Variants in ARHGAP8 observed in about 807,000 individuals in gnomAD.
ARHGAP8 encodes the protein Rho GTPase activating protein 8.
A neutral mutation model predicts 46.1 loss-of-function variants in ARHGAP8; 62 were observed. The ratio of observed to expected loss-of-function variants is 1.34; its 90% confidence interval spans 1.10 to 1.66. The LOEUF is 1.66. ARHGAP8 is among the 40% of genes most tolerant of loss of function. ARHGAP8 has a pLI of 0.00. For synonymous variants in ARHGAP8, 375 were observed against 243.1 expected, an observed-to-expected ratio of 1.54 and a Z score of -5.05; for missense variants, 923 against 568.4, an observed-to-expected ratio of 1.62 and a Z score of -6.34.
chr22:44,825,973 C>T (rs942837851), intron 7 of ARHGAP8, among the ~76,000 whole-genome samples: 8 of 150,070 alleles, frequency 5.3e-5, no homozygotes, highest in Non-Finnish European at 1.0e-4. Context: ...ATTGGGGGGA[C>T]CGGCAGTGGG....
chr22:44,809,654 G>T, intron 4 of ARHGAP8: 1 of 159,954 alleles, frequency 6.3e-6, no homozygotes, highest in South Asian at 1.8e-4. Flanking sequence ...GCTTGGCCAT[G>T]GCCTGGAGCC....
chr22:44,755,624 G>A (rs1401907327), intron 1 of ARHGAP8, among the ~76,000 whole-genome samples: 2 of 152,176 alleles, frequency 1.3e-5, no homozygotes, highest in Admixed American at 6.5e-5. Context: ...CGTCTCCCTG[G>A]AGCTTCTGGC....
intron 2 of ARHGAP8, among the ~76,000 whole-genome samples, chr22:44,792,808 G>GTGGTGT (rs11282638): frequency 5.3e-5 from 8 of 150,462 alleles, no homozygotes; most frequent in South Asian, 2.1e-4. Flanking sequence ...GGTGGTGGTG[G>GTGGTGT]TGGTTTTTTT....
intron 2 of ARHGAP8, among the ~76,000 whole-genome samples, chr22:44,795,048 AAAAAAAC>A (rs962580375): frequency 3.3e-5 from 5 of 151,882 alleles, no homozygotes; most frequent in South Asian, 2.1e-4. Flanking sequence ...CTCAAAAAAA[AAAAAAAC>A]AAAAAACGAA....
At chr22:44,810,138 T>G (rs905198754) in intron 4 of ARHGAP8, among the ~76,000 whole-genome samples, 1 of 152,070 alleles carries the variant, frequency 6.6e-6, no homozygotes, top group Non-Finnish European at 1.5e-5. Context: ...TAGCTAGCAC[T>G]TAGGGGTTTG....
At chr22:44,786,043 T>A (rs1927194278) in intron 1 of ARHGAP8, 1 of 216,182 alleles carries the variant, frequency 4.6e-6, no homozygotes, top group Non-Finnish European at 9.3e-6. Flanking sequence ...GACCCTTAGG[T>A]CTTATTTTTC....
At chr22:44,831,161 A>G (rs1930918788) in intron 7 of ARHGAP8, among the ~76,000 whole-genome samples, 1 of 152,194 alleles carries the variant, frequency 6.6e-6, no homozygotes, top group African/African-American at 2.4e-5. Context: ...TAAAAGTTAC[A>G]TTTTGATGAA....
intron 1 of ARHGAP8, among the ~76,000 whole-genome samples, chr22:44,768,891 A>G (rs1385910089): frequency 1.3e-5 from 2 of 149,900 alleles, no homozygotes; most frequent in South Asian, 2.1e-4. Context: ...CTGGAGTGCA[A>G]TGGCGCGATC....
chr22:44,848,884 T>C, intron 9 of ARHGAP8, 48 bp from the exon 10 acceptor site: 1 of 1,608,744 alleles, frequency 6.2e-7, no homozygotes, highest in Non-Finnish European at 8.5e-7. Flanking sequence ...GCAGCGGCAG[T>C]GCCCAGGCCG....
intron 9 of ARHGAP8, 25 bp downstream of exon 9, chr22:44,848,075 C>T (rs775930687): frequency 5.6e-6 from 9 of 1,602,810 alleles, no homozygotes; most frequent in South Asian, 5.5e-5. Context: ...CAGTCCTGAG[C>T]CCCGAGCTGC....
intron 1 of ARHGAP8, among the ~76,000 whole-genome samples, chr22:44,758,079 A>T (rs1257930845): frequency 3.3e-5 from 5 of 152,048 alleles, no homozygotes; most frequent in Non-Finnish European, 5.9e-5. Context: ...TTCTCCAGGG[A>T]CCCATGGCAG....
intron 2 of ARHGAP8, among the ~76,000 whole-genome samples, chr22:44,787,273 A>G (rs1331105454): frequency 1.3e-5 from 2 of 152,208 alleles, no homozygotes; most frequent in Non-Finnish European, 2.9e-5. Context: ...CGTAGACAAC[A>G]AACAACTCCG....
In ARHGAP8 at chr22:44,862,443, C is replaced by A. The variant is rs566631776; in HGVS notation, c.1150C>A (p.Pro384Thr). 6.2e-7 allele frequency: 1 copy of A among 1,614,082 alleles called. No homozygotes were observed. The highest frequency in any genetic ancestry group is 8.5e-7 in the Non-Finnish European group (1 of 1,179,996). The change falls in exon 12 of 12, where the codon CCG (proline) becomes ACG (threonine). Residue 384 changes from proline (P) to threonine (T), a missense_variant. Physicochemically the swap from Pro to Thr is conservative, Grantham distance 38. Transcript: ENST00000356099. ...IEYYEKIFST[P>T]EAPGEHGLAP... ...GTACTATGAAAAGATCTTCAGCACC[C>A]CGGAGGCACCTGGGGAGCACGGCCT...
chr22:44,860,615 A>T (rs139779253), intron 11 of ARHGAP8, among the ~76,000 whole-genome samples: 2 of 131,130 alleles, frequency 1.5e-5, no homozygotes, highest in South Asian at 5.2e-4. Context: ...GGTCTATCTT[A>T]GAGGGGCCAC....
intron 2 of ARHGAP8, among the ~76,000 whole-genome samples, chr22:44,791,036 G>A (rs1927643865): frequency 6.6e-6 from 1 of 152,028 alleles, no homozygotes; most frequent in African/African-American, 2.4e-5. Context: ...CCTGGAACTT[G>A]GCCTTCTTCT....
intron 1 of ARHGAP8, among the ~76,000 whole-genome samples, chr22:44,776,544 T>C (rs1926435483): frequency 6.6e-6 from 1 of 152,176 alleles, no homozygotes; most frequent in African/African-American, 2.4e-5. Flanking sequence ...AAGCAACATC[T>C]CCTGAAGTGC....
Position 44,848,941 on chromosome 22 carries a change from T to C in ARHGAP8, c.758T>C (p.Val253Ala), listed in dbSNP as rs376362649. ...TGTGTTGTGTGTGCAGGGAAGCCCGTGAACTTTGACGACTACGGGGACATT... is the reference window on the plus strand; with the variant it reads ...TGTGTTGTGTGTGCAGGGAAGCCCGCGAACTTTGACGACTACGGGGACATT... ...IQRLYNQGKPVNFDDYGDIHI... is the reference protein window; with the variant it reads ...IQRLYNQGKPANFDDYGDIHI... Residue 253 changes from valine (V) to alanine (A), a missense_variant, in exon 10 of 12, where the codon GTG (valine) becomes GCG (alanine). Coordinates refer to ENST00000356099, the MANE Select transcript of ARHGAP8 (RefSeq NM_181335.3). 2.7e-5 allele frequency: 44 copies of C among 1,614,078 alleles called. No individual in the cohort carries two copies. The highest frequency in any genetic ancestry group is 3.1e-5 in the Non-Finnish European group (37 of 1,180,006).
At chr22:44,774,801 C>T (rs112408929) in intron 1 of ARHGAP8, among the ~76,000 whole-genome samples, 4,280 of 151,608 alleles carry the variant, frequency 0.028, 205 homozygotes, top group African/African-American at 0.098. Context: ...GAATTACAGG[C>T]GTGAGCCACC....
chr22:44,842,336 G>C (rs910354035), intron 7 of ARHGAP8, among the ~76,000 whole-genome samples: 1 of 152,094 alleles, frequency 6.6e-6, no homozygotes, highest in African/African-American at 2.4e-5. Context: ...CAGCCTGGGG[G>C]ACAGAGCGAG....
Sources: allele counts gnomAD v4.1 joint callset (sites outside exome capture counted in the v4.1 genomes callset), GRCh38; gene constraint gnomAD v4.1.1; transcripts MANE v1.5; gene names NCBI Gene and HGNC (gene_info 2026-07-23, HGNC 2026-07-21).